Variants in SMYD2 observed in about 807,000 individuals in gnomAD.
SMYD2 encodes the protein N-lysine methyltransferase SMYD2.
SMYD2 carries 53 observed loss-of-function variants against 59.1 expected under a neutral mutation model. The ratio of observed to expected loss-of-function variants is 0.90; its 90% CI spans 0.72 to 1.13. The LOEUF (loss-of-function observed/expected upper bound fraction) is 1.13. SMYD2 is among the 50% of genes most tolerant of loss of function. The probability of loss-of-function intolerance (pLI) is 0.00; values close to 1 mark genes in which losing one functional copy is unlikely to be tolerated. For missense variants in SMYD2, 494 were observed against 544.7 expected, an observed-to-expected ratio of 0.91 and a Z score of 0.93; for synonymous variants, 208 against 198.8, an observed-to-expected ratio of 1.05 and a Z score of -0.39.
intron 1 of SMYD2, among the ~76,000 whole-genome samples, chr1:214,298,470 C>T (rs937950728): frequency 2.0e-5 from 3 of 152,134 alleles, no homozygotes. Context: ...CTAGGAAATA[C>T]CATTCTGGAC....
At position 214,305,325 on chromosome 1, in the gene SMYD2, A is replaced by C. The variant is rs1571924950; in HGVS notation, c.237+75A>C. ...CCTCTTCCTTGTCATGGCATTCCTCAGCGCCCTCCTGGAGCCAGAGCTGGA... is the reference window on the plus strand; with the variant it reads ...CCTCTTCCTTGTCATGGCATTCCTCCGCGCCCTCCTGGAGCCAGAGCTGGA... On this transcript the variant is annotated intron_variant, in intron 2 of 11. Transcript: ENST00000366957. 6 of 1,372,736 alleles carry C rather than the reference A, an allele frequency of 4.4e-6. No individual in the cohort carries two copies. In the East Asian group the frequency reaches 1.4e-4, roughly 31 times the overall value. 85.0% of individuals were successfully genotyped at this position (1,372,736 alleles called of 1,614,324 possible).
intron 1 of SMYD2, among the ~76,000 whole-genome samples, chr1:214,293,937 A>C (rs1656680278): frequency 6.6e-6 from 1 of 150,482 alleles, no homozygotes; most frequent in African/African-American, 2.4e-5. Flanking sequence ...CGGCCTCCCA[A>C]AGTGCTGGGA....
intron 1 of SMYD2, among the ~76,000 whole-genome samples, 161 bp downstream of exon 1, chr1:214,281,588 C>G (rs12754081): frequency 0.065 from 9,831 of 152,088 alleles, 371 homozygotes; most frequent in African/African-American, 0.1. Flanking sequence ...GCTGCGGCCC[C>G]GCGCTGCAGC....
At chr1:214,328,453 T>C (rs1401496758) in intron 7 of SMYD2, among the ~76,000 whole-genome samples, 9 of 139,272 alleles carry the variant, frequency 6.5e-5, no homozygotes, top group Non-Finnish European at 1.4e-4. Context: ...TTCCCATGTG[T>C]GATTCCTGAC....
chr1:214,314,162 C>T (rs1460676642), intron 2 of SMYD2, among the ~76,000 whole-genome samples: 3 of 151,008 alleles, frequency 2.0e-5, no homozygotes, highest in Non-Finnish European at 2.9e-5. Flanking sequence ...GGCAACAGAG[C>T]GAGACTCTGT....
chr1:214,316,116 C>G (rs758044221), intron 3 of SMYD2, among the ~76,000 whole-genome samples: 7 of 152,144 alleles, frequency 4.6e-5, no homozygotes, highest in Admixed American at 2.6e-4. Context: ...CTGTGGAGGT[C>G]TTGCTCCTCA....
chr1:214,330,089 G>A (rs1010110407), intron 7 of SMYD2, 79 bp from the exon 8 acceptor site: 15 of 930,930 alleles, frequency 1.6e-5, no homozygotes, highest in Non-Finnish European at 2.4e-5. Context: ...GGCCCTGCAG[G>A]TGACTGCAAA....
At chr1:214,313,463 G>A (rs544324417) in intron 2 of SMYD2, among the ~76,000 whole-genome samples, 114 of 151,594 alleles carry the variant, frequency 7.5e-4, no homozygotes, top group African/African-American at 2.5e-3. Context: ...GAAAGAGACA[G>A]TGTGTAAGGG....
At chr1:214,284,253 G>GTTTTTTTTTTTTTTT in intron 1 of SMYD2, among the ~76,000 whole-genome samples, 1 of 76,820 alleles carries the variant, frequency 1.3e-5, no homozygotes, top group South Asian at 3.9e-4. Flanking sequence ...TTTTTGGTGT[G>GTTTTTTTTTTTTTTT]GTTTTTTTTT....
At chr1:214,307,266 G>C (rs1656930266) in intron 2 of SMYD2, among the ~76,000 whole-genome samples, 1 of 152,224 alleles carries the variant, frequency 6.6e-6, no homozygotes, top group Admixed American at 6.5e-5. Context: ...ACCTTGATGA[G>C]TTAGGGACCA....
chr1:214,309,058 T>C (rs1220704247), intron 2 of SMYD2, among the ~76,000 whole-genome samples: 1 of 152,212 alleles, frequency 6.6e-6, no homozygotes, highest in Non-Finnish European at 1.5e-5. Flanking sequence ...TAAGGCTTCT[T>C]AGGGGATCCT....
In SMYD2 at chr1:214,332,029, C is replaced by A; in HGVS notation, c.949C>A (p.Leu317Met). Reference sequence around the variant, plus strand: ...TGACTCCACAGCACCCCCTAGTGAGCTGCTGGAGATCTGCGAGCTCAGCCA... The same window carrying A: ...TGACTCCACAGCACCCCCTAGTGAGATGCTGGAGATCTGCGAGCTCAGCCA... ...RAKHYKSPSE[L>M]LEICELSQEK... Residue 317 changes from leucine (L) to methionine (M), a missense_variant, in exon 10 of 12, where the codon CTG becomes ATG. Coordinates refer to ENST00000366957, the MANE Select transcript of SMYD2 (RefSeq NM_020197.3). 6.2e-7 allele frequency: 1 copy of A among 1,612,958 alleles called. No individual in the cohort carries two copies. Among genetic ancestry groups the A allele is most frequent in the Non-Finnish European group, 8.5e-7 (1 of 1,179,776 alleles).
chr1:214,311,797 C>T (rs149285583), intron 2 of SMYD2, among the ~76,000 whole-genome samples: 1 of 152,296 alleles, frequency 6.6e-6, no homozygotes, highest in East Asian at 1.9e-4. Flanking sequence ...CACCAAGGCA[C>T]CACCTGCAGT....
chr1:214,316,258 T>C (rs1298756698), intron 3 of SMYD2, among the ~76,000 whole-genome samples: 1 of 152,066 alleles, frequency 6.6e-6, no homozygotes, highest in Non-Finnish European at 1.5e-5. Flanking sequence ...ATTGTTTGAA[T>C]CCAGGAGTTC....
chr1:214,326,259 G>A (rs1657260520), intron 6 of SMYD2, among the ~76,000 whole-genome samples: 2 of 148,294 alleles, frequency 1.3e-5, no homozygotes, highest in South Asian at 4.3e-4. Flanking sequence ...AAAAAAAAGA[G>A]TGAGGTGCTT....
At chr1:214,314,091 C>G (rs1165320269) in intron 2 of SMYD2, among the ~76,000 whole-genome samples, 1 of 152,136 alleles carries the variant, frequency 6.6e-6, no homozygotes, top group East Asian at 1.9e-4. Flanking sequence ...GCAGGAGAAT[C>G]ACTTGAACCC....
chr1:214,319,714 C>G (rs924923414), intron 5 of SMYD2, among the ~76,000 whole-genome samples: 1 of 152,182 alleles, frequency 6.6e-6, no homozygotes, highest in African/African-American at 2.4e-5. Flanking sequence ...TCTTCCTGGC[C>G]TGACTTACTA....
chr1:214,324,619 T>C (rs1386183697), intron 5 of SMYD2, 22 bp from the exon 6 acceptor site: 3 of 1,591,356 alleles, frequency 1.9e-6, no homozygotes, highest in Non-Finnish European at 2.6e-6. Flanking sequence ...TTTTTTTCCT[T>C]TCTCCCTTTT....
chr1:214,298,680 G>C (rs1198044867), intron 1 of SMYD2, among the ~76,000 whole-genome samples: 3 of 152,136 alleles, frequency 2.0e-5, no homozygotes, highest in African/African-American at 7.2e-5. Flanking sequence ...CTGTGAAGAA[G>C]TTAATTCAAC....
Sources: allele counts gnomAD v4.1 joint callset (sites outside exome capture counted in the v4.1 genomes callset), GRCh38; gene constraint gnomAD v4.1.1; transcripts MANE v1.5; gene names NCBI Gene and HGNC (gene_info 2026-07-23, HGNC 2026-07-21).